Variants in RASAL2 observed in about 807,000 individuals in gnomAD.
The protein encoded by RASAL2 is RAS protein activator like 2, also known as ras GTPase-activating protein nGAP.
RASAL2 carries 58 observed loss-of-function variants against 128.9 expected under a neutral mutation model. The ratio of observed to expected loss-of-function variants is 0.45; its 90% CI spans 0.36 to 0.56. RASAL2 has a LOEUF of 0.56. Among genes scored for constraint, RASAL2 ranks in the 20% least tolerant of loss-of-function variants. RASAL2 has a pLI of 0.00. For missense variants in RASAL2, 1,360 were observed against 1,601.6 expected, an observed-to-expected ratio of 0.85 and a Z score of 2.57; for synonymous variants, 561 against 580.8, an observed-to-expected ratio of 0.97 and a Z score of 0.49.
intron 1 of RASAL2, among the ~76,000 whole-genome samples, chr1:178,160,061 CTT>C (rs932032437): frequency 6.9e-6 from 1 of 144,750 alleles, no homozygotes. Flanking sequence ...TTCTTTCTTT[CTT>C]TTTTTTTTTA....
Position 178,361,730 on chromosome 1 carries a change from T to G in RASAL2, c.458-28370T>G, listed in dbSNP as rs140641919. Reference sequence around the variant, plus strand: ...GGGGTGGGGGTTGGTTTTGGCATGATTCAAGCACATTACACTTACTGTGCA... The same window carrying G: ...GGGGTGGGGGTTGGTTTTGGCATGAGTCAAGCACATTACACTTACTGTGCA... On this transcript the variant is annotated intron_variant, in intron 3 of 17. Coordinates refer to ENST00000367649, the MANE Select transcript of RASAL2 (RefSeq NM_170692.4). Among the ~76,000 whole-genome samples the G allele has an allele frequency of 4.2e-3, 643 of 152,170 alleles. 8 individuals are homozygous for G. Among genetic ancestry groups the G allele is most frequent in the African/African-American group, 0.015 (623 of 41,490 alleles).
chr1:178,292,960 T>G (rs1303107762), intron 2 of RASAL2, among the ~76,000 whole-genome samples: 2 of 152,218 alleles, frequency 1.3e-5, no homozygotes, highest in African/African-American at 2.4e-5. Flanking sequence ...AACATTTTTC[T>G]TTTGAAAGTG....
chr1:178,164,937 C>T (rs1337768816), intron 1 of RASAL2, among the ~76,000 whole-genome samples: 1 of 147,066 alleles, frequency 6.8e-6, no homozygotes, highest in African/African-American at 2.5e-5. Flanking sequence ...TGGAAAAAAA[C>T]AATAAAAAGA....
chr1:178,438,881 C>CTCTG lies in RASAL2; in HGVS notation c.675-540_675-539insCTGT, dbSNP rs1239809916. Among the ~76,000 whole-genome samples, 758 of 129,462 alleles carry CTCTG rather than the reference C, an allele frequency of 5.9e-3. 12 individuals carry two copies. Among genetic ancestry groups the CTCTG allele is most frequent in the African/African-American group, 0.019 (706 of 36,542 alleles). 84.9% of individuals were successfully genotyped at this position (129,462 alleles called of 152,430 possible). On this transcript the variant is annotated intron_variant, in intron 5 of 17. Transcript: ENST00000367649. Reference sequence around the variant, plus strand: ...TGTGATAAAAAGTTGAGCTTCGACTCTGTGTGTGTGTGTGTGTGTGTGTGT... The same window carrying CTCTG: ...TGTGATAAAAAGTTGAGCTTCGACTCTCTGTGTGTGTGTGTGTGTGTGTGTGTGT...
At chr1:178,390,281 C>T in intron 4 of RASAL2, 75 bp downstream of exon 4, 3 of 1,016,114 alleles carry the variant, frequency 3.0e-6, no homozygotes, top group Non-Finnish European at 2.9e-6. Flanking sequence ...GGGGCAGCTA[C>T]TAAGGAATCC....
intron 4 of RASAL2, among the ~76,000 whole-genome samples, chr1:178,404,418 G>A (rs750498788): frequency 6.6e-6 from 1 of 151,972 alleles, no homozygotes; most frequent in Non-Finnish European, 1.5e-5. Context: ...GTCTCGCTCT[G>A]TCGCCAGGCT....
In RASAL2 at chr1:178,389,284, C is replaced by A. The variant is rs532658911; in HGVS notation, c.458-816C>A. On this transcript the variant is annotated intron_variant, in intron 3 of 17. Transcript: ENST00000367649. ...CCTTTATGTCTGTCAGTTGAAGTGG[C>A]GATGGGAAGCAGTTGTGATAAAGGT... 250 of 981,866 alleles carry A rather than the reference C, an allele frequency of 2.5e-4. No homozygotes were observed. The Middle Eastern group carries it at 6.8e-3, about 27-fold the overall frequency. 60.8% of individuals were successfully genotyped at this position (981,866 alleles called of 1,614,324 possible).
intron 3 of RASAL2, among the ~76,000 whole-genome samples, chr1:178,370,501 A>G (rs1171026279): frequency 6.6e-6 from 1 of 152,258 alleles, no homozygotes; most frequent in Non-Finnish European, 1.5e-5. Context: ...TTTGAGTAAT[A>G]GAAACTCATT....
intron 1 of RASAL2, among the ~76,000 whole-genome samples, chr1:178,170,095 T>C (rs1010319685): frequency 1.3e-5 from 2 of 151,994 alleles, no homozygotes; most frequent in East Asian, 1.9e-4. Context: ...TATTTCTTAA[T>C]AGGATACATT....
In RASAL2 at chr1:178,441,774, A is replaced by G; in HGVS notation, c.927+127A>G. 9.2e-6 allele frequency: 6 copies of G among 654,736 alleles called. No individual in the cohort carries two copies. In the South Asian group the frequency reaches 1.1e-4, roughly 12 times the overall value. The allele number at this position is 654,736 out of a possible 1,614,324, so 40.6% of individuals were successfully genotyped here. A position where few individuals can be genotyped will look rare whatever the true frequency, so the allele number is the denominator to read the frequency against. ...GAGTTTTAAAGCACATTTATATGTT[A>G]TGCCATTTGTAGTAAGCCCTTATTA... On this transcript the variant is annotated intron_variant, in intron 7 of 17. Coordinates refer to ENST00000367649, the MANE Select transcript of RASAL2 (RefSeq NM_170692.4).
intron 3 of RASAL2, among the ~76,000 whole-genome samples, chr1:178,335,958 T>C (rs892864610): frequency 4.6e-5 from 7 of 151,608 alleles, no homozygotes; most frequent in Non-Finnish European, 7.4e-5. Context: ...AAAGATAAAT[T>C]TGGAGTAGTT....
chr1:178,359,986 G>A (rs1282077945), intron 3 of RASAL2, among the ~76,000 whole-genome samples: 1 of 152,196 alleles, frequency 6.6e-6, no homozygotes, highest in Non-Finnish European at 1.5e-5. Flanking sequence ...GCCTCTGGGT[G>A]TAAGGGGTGA....
rs758313779 is a variant in RASAL2, at chr1:178,457,834, G to A, written c.2542G>A (p.Val848Ile). The change falls in exon 14 of 18, where the codon GTC (valine) becomes ATC (isoleucine). Residue 848 changes from valine to isoleucine, a missense_variant. Around this residue, in one of 3 missense-constraint regions of RASAL2, gnomAD observed 741 missense variants for 868.6 expected, o/e 0.85. Coordinates refer to ENST00000367649, the MANE Select transcript of RASAL2 (RefSeq NM_170692.4). ...AAGTAGCCTTCCTAATGGTCGGAGC[G>A]TCTCCCTCATGGACCTCCAGGACAC... ...RESSLPNGRS[V>I]SLMDLQDTHA... 3.5e-5 allele frequency: 57 copies of A among 1,614,058 alleles called. No individual in the cohort carries two copies. The highest frequency in any genetic ancestry group is 1.8e-4 in the East Asian group (8 of 44,888).
intron 1 of RASAL2, among the ~76,000 whole-genome samples, chr1:178,232,037 G>A (rs955490322): frequency 1.1e-4 from 17 of 152,156 alleles, no homozygotes; most frequent in Non-Finnish European, 2.9e-5. Flanking sequence ...CTTAGTGTGA[G>A]ACCTGTTTTT....
At chr1:178,413,168 C>T (rs1674524874) in intron 4 of RASAL2, among the ~76,000 whole-genome samples, 1 of 152,074 alleles carries the variant, frequency 6.6e-6, no homozygotes, top group Non-Finnish European at 1.5e-5. Flanking sequence ...CCATGTTGGC[C>T]AGGCTGGTCT....
chr1:178,119,835 A>G (rs900500930), intron 1 of RASAL2, among the ~76,000 whole-genome samples: 4 of 152,146 alleles, frequency 2.6e-5, no homozygotes, highest in Non-Finnish European at 2.9e-5. Flanking sequence ...ATCCTCTGCT[A>G]TTTCCTCAAT....
chr1:178,154,382 C>T (rs1254015147), intron 1 of RASAL2, among the ~76,000 whole-genome samples: 1 of 152,094 alleles, frequency 6.6e-6, no homozygotes, highest in East Asian at 1.9e-4. Flanking sequence ...CTCCCGGGCT[C>T]AAGCAGTCCT....
intron 1 of RASAL2, among the ~76,000 whole-genome samples, chr1:178,240,401 T>A (rs1664448308): frequency 6.6e-6 from 1 of 152,112 alleles, no homozygotes; most frequent in African/African-American, 2.4e-5. Flanking sequence ...TAGTGTTTAT[T>A]GTATTTCTTT....
intron 3 of RASAL2, among the ~76,000 whole-genome samples, chr1:178,363,979 C>G (rs1455432057): frequency 6.6e-6 from 1 of 151,882 alleles, no homozygotes; most frequent in East Asian, 1.9e-4. Context: ...ACCTGTAGTC[C>G]CAGCTACTCG....
Sources: allele counts gnomAD v4.1 joint callset (sites outside exome capture counted in the v4.1 genomes callset), GRCh38; gene constraint gnomAD v4.1.1; regional missense constraint gnomAD v4.1.1; transcripts MANE v1.5; gene names NCBI Gene and HGNC (gene_info 2026-07-23, HGNC 2026-07-21).